Variants in SEMA4D observed in about 807,000 individuals in gnomAD.
SEMA4D encodes semaphorin-4D.
SEMA4D carries 22 observed loss-of-function variants against 74.8 expected under a neutral mutation model. The ratio of observed to expected loss-of-function variants is 0.29; its 90% CI spans 0.21 to 0.42. The LOEUF is 0.42. SEMA4D is among the 10% of genes least tolerant of loss of function. SEMA4D has a pLI of 1.00. For synonymous variants in SEMA4D, 445 were observed against 463.7 expected, an observed-to-expected ratio of 0.96 and a Z score of 0.52; for missense variants, 937 against 1,118.4, an observed-to-expected ratio of 0.84 and a Z score of 2.31.
chr9:89,450,027 G>T, intron 2 of SEMA4D: 1 of 1,444,750 alleles, frequency 6.9e-7, no homozygotes, highest in South Asian at 1.1e-5. Context: ...CCCATGCCTG[G>T]TCACACCTGG....
downstream of SEMA4D, among the ~76,000 whole-genome samples, chr9:89,372,593 G>A (rs185939620): frequency 2.2e-4 from 33 of 152,016 alleles, no homozygotes; most frequent in South Asian, 3.3e-3. Context: ...CCTCCTGTGC[G>A]GCCACAGTGC....
chr9:89,370,192 G>T lies in SEMA4D; in HGVS notation c.1883-6242C>A, dbSNP rs564263161. Among the ~76,000 whole-genome samples the T allele has an allele frequency of 4.6e-5, 7 of 151,964 alleles. 1 individual carries two copies. The South Asian group carries it at 1.5e-3, about 32-fold the overall frequency. Reference sequence around the variant, plus strand: ...TGTGTGTATGGTGTTTGATGTGTGTGTGGTGTGTGTGATTTGGTGTATGTG... The same window carrying T: ...TGTGTGTATGGTGTTTGATGTGTGTTTGGTGTGTGTGATTTGGTGTATGTG... On this transcript the variant is annotated intron_variant, in intron 16 of 18. Transcript: ENST00000339861.
chr9:89,379,489 C>T lies in SEMA4D; in HGVS notation c.1804G>A (p.Gly602Ser), dbSNP rs907595463. 8 of 1,614,032 alleles carry T rather than the reference C, an allele frequency of 5.0e-6. No homozygotes were observed. Among genetic ancestry groups the T allele is most frequent in the East Asian group, 4.5e-5 (2 of 44,888 alleles). ...GVLKAESPKY[G>S]LMGRKNLLIF... ...AGCAAGTTTTTTCTGCCCATAAGAC[C>T]GTACTTGGGGCTCTCGGCCTTCAAC... Residue 602 changes from glycine to serine, a missense_variant, in exon 16 of 16, where the codon GGT becomes AGT. Coordinates refer to ENST00000422704, the MANE Select transcript of SEMA4D (RefSeq NM_001371194.2).
chr9:89,458,109 G>C (rs1398693284), intron 1 of SEMA4D, among the ~76,000 whole-genome samples: 1 of 152,284 alleles, frequency 6.6e-6, no homozygotes, highest in South Asian at 2.1e-4. Flanking sequence ...GCCCAAGACA[G>C]AATAAAAAGG....
chr9:89,407,108 G>A (rs1329413486), intron 2 of SEMA4D, among the ~76,000 whole-genome samples: 1 of 152,126 alleles, frequency 6.6e-6, no homozygotes, highest in Non-Finnish European at 1.5e-5. Flanking sequence ...AGAGATCACT[G>A]GCTTCCTGCC....
chr9:89,452,045 G>A (rs1374275584), intron 2 of SEMA4D, among the ~76,000 whole-genome samples: 1 of 152,166 alleles, frequency 6.6e-6, no homozygotes, highest in Non-Finnish European at 1.5e-5. Flanking sequence ...ATAGGAGGAG[G>A]TGCTATGGAT....
At chr9:89,415,818 C>T (rs1351952905) in intron 2 of SEMA4D, among the ~76,000 whole-genome samples, 6 of 152,190 alleles carry the variant, frequency 3.9e-5, no homozygotes, top group Admixed American at 2.0e-4. Context: ...AGCTCAGCAC[C>T]GGACAGAACC....
intron 2 of SEMA4D, among the ~76,000 whole-genome samples, chr9:89,433,358 C>T (rs1849686838): frequency 6.6e-6 from 1 of 152,164 alleles, no homozygotes; most frequent in Non-Finnish European, 1.5e-5. Flanking sequence ...TGGGCCACTG[C>T]AGCATGGTCA....
rs372226892 is a variant in SEMA4D, at chr9:89,392,514, C to G, written c.531G>C (p.Thr177=). 1.9e-6 allele frequency: 3 copies of G among 1,613,722 alleles called. No homozygotes were observed. Among genetic ancestry groups the G allele is most frequent in the Non-Finnish European group, 2.5e-6 (3 of 1,179,714 alleles). ...GTTCACTTCCCAAAAAATTATACGA[C>G]GTCCCCGAATAAAGTTCTCCATCTG... is the stretch of plus-strand genomic sequence containing the variant. ...VMVDGELYSG[T]SYNFLGSEPI... is the part of the protein sequence containing the mutation. Residue 177 remains threonine, a synonymous_variant, in exon 8 of 16, where the codon ACG becomes ACC. Transcript: ENST00000422704.
chr9:89,365,469 GGCCA>G (rs1833489913), intron 16 of SEMA4D: 2 of 152,304 alleles, frequency 1.3e-5, no homozygotes, highest in African/African-American at 2.4e-5. Flanking sequence ...ATGGGCCATG[GGCCA>G]CCTAGACCAG....
At chr9:89,372,625 C>A (rs1438791258), downstream of SEMA4D, among the ~76,000 whole-genome samples, 1 of 151,984 alleles carries the variant, frequency 6.6e-6, no homozygotes. Flanking sequence ...GTCGGCCACT[C>A]CCAGCTGCTC....
At chr9:89,363,820 T>G (rs772739892) in exon 17 of SEMA4D, 3 of 1,614,140 alleles carry the variant, frequency 1.9e-6, no homozygotes, top group Non-Finnish European at 2.5e-6. Context: ...ACTCAGCGCT[T>G]TCCCTGATGG....
chr9:89,453,706 G>T (rs1855199016), intron 2 of SEMA4D, among the ~76,000 whole-genome samples: 1 of 152,170 alleles, frequency 6.6e-6, no homozygotes, highest in Non-Finnish European at 1.5e-5. Flanking sequence ...GCATCACAGG[G>T]CCTGGCCCAC....
intron 6 of SEMA4D, among the ~76,000 whole-genome samples, chr9:89,395,529 A>G (rs1020503160): frequency 2.0e-5 from 3 of 152,370 alleles, no homozygotes; most frequent in Admixed American, 2.0e-4. Flanking sequence ...AGTTTAAATG[A>G]CAGAACTTTA....
chr9:89,435,917 C>T (rs912325093), intron 2 of SEMA4D, among the ~76,000 whole-genome samples: 3 of 152,246 alleles, frequency 2.0e-5, no homozygotes, highest in African/African-American at 4.8e-5. Context: ...TGTGCCGCAT[C>T]CCAATGCATG....
chr9:89,480,743 G>A lies in SEMA4D; in HGVS notation c.-310+17176C>T, dbSNP rs565956197. On this transcript the variant is annotated intron_variant, in intron 1 of 15. Transcript: ENST00000422704. Reference sequence around the variant, plus strand: ...GGCCCACCAAGCCCACGCCCACCCGGAACTCCAGCTGGCCCGCAAGTGCCG... The same window carrying A: ...GGCCCACCAAGCCCACGCCCACCCGAAACTCCAGCTGGCCCGCAAGTGCCG... 3.3e-5 allele frequency among the ~76,000 whole-genome samples: 5 copies of A among 152,356 alleles called. No homozygotes were observed. In the East Asian group the frequency reaches 9.6e-4, roughly 29 times the overall value.
At position 89,370,460 on chromosome 9, in the gene SEMA4D, GTGTC is replaced by G. The variant is rs778429870; in HGVS notation, c.1882+6369_1882+6372del. 1.7e-3 allele frequency among the ~76,000 whole-genome samples: 257 copies of G among 150,014 alleles called. 1 individual carries two copies. Among genetic ancestry groups the G allele is most frequent in the African/African-American group, 5.1e-3 (208 of 40,746 alleles). The stretch of plus-strand genomic sequence containing the variant: ...TGTGTGGTGTGTGGTATGTAGGTGT[GTGTC>G]TGGTTTGTGTGTGTGGTGTGTATGA... On this transcript the variant is annotated intron_variant, in intron 16 of 18. Transcript: ENST00000339861.
chr9:89,426,989 T>C (rs994983266), intron 2 of SEMA4D, among the ~76,000 whole-genome samples: 1 of 152,118 alleles, frequency 6.6e-6, no homozygotes, highest in Non-Finnish European at 1.5e-5. Flanking sequence ...GTTCCCCCTT[T>C]GCCACTAAGA....
intron 1 of SEMA4D, among the ~76,000 whole-genome samples, chr9:89,473,493 G>C (rs1422491483): frequency 6.6e-6 from 1 of 152,134 alleles, no homozygotes. Context: ...AGCTACTCAG[G>C]AGGCTGACAT....
Sources: allele counts gnomAD v4.1 joint callset (sites outside exome capture counted in the v4.1 genomes callset), GRCh38; gene constraint gnomAD v4.1.1; transcripts MANE v1.5; gene names NCBI Gene and HGNC (gene_info 2026-07-23, HGNC 2026-07-21).